Variants in COX7B2 observed in about 807,000 individuals in gnomAD.
COX7B2 encodes cytochrome c oxidase subunit 7B2.
For synonymous variants in COX7B2, 37 were observed against 32.1 expected (o/e 1.15, Z -0.51); for missense variants, 109 against 95.9 (o/e 1.14, Z -0.57).
chr4:46,833,001 G>A (rs1286903631), intron 2 of COX7B2, among the ~76,000 whole-genome samples: 3 of 152,048 alleles, frequency 2.0e-5, no homozygotes, highest in Non-Finnish European at 4.4e-5. Context: ...CGCCTCCCGG[G>A]TTCAAGTGAT....
chr4:46,812,250 A>G (rs1351666709), intron 2 of COX7B2, among the ~76,000 whole-genome samples: 5 of 152,082 alleles, frequency 3.3e-5, no homozygotes, highest in African/African-American at 7.2e-5. Context: ...AGAGAATGCA[A>G]TTCTCCCACT....
At chr4:46,805,594 T>A (rs142299514) in intron 2 of COX7B2, among the ~76,000 whole-genome samples, 1,677 of 152,304 alleles carry the variant, frequency 0.011, 20 homozygotes, top group Middle Eastern at 0.041. Context: ...ATAGTAAATA[T>A]GGGTTGAATT....
intron 1 of COX7B2, among the ~76,000 whole-genome samples, chr4:46,852,501 G>A (rs1716749110): frequency 6.6e-6 from 1 of 151,644 alleles, no homozygotes; most frequent in Non-Finnish European, 1.5e-5. Flanking sequence ...TTTTAAAGGG[G>A]TGCCATTGCT....
In COX7B2 at chr4:46,783,635, C is replaced by G. The variant is rs190335159; in HGVS notation, c.-49-48394G>C. The stretch of plus-strand genomic sequence containing the variant: ...TACTTAAAGCTTTCTTTCAAGCCAG[C>G]TGTTCCTAAGGAAAACTCACACATG... On this transcript the variant is annotated intron_variant, in intron 2 of 2. Coordinates refer to ENST00000355591, the MANE Select transcript of COX7B2 (RefSeq NM_130902.3). Among the ~76,000 whole-genome samples, 186 of 152,288 alleles carry G rather than the reference C, an allele frequency of 1.2e-3. 1 individual carries two copies. Among genetic ancestry groups the G allele is most frequent in the African/African-American group, 4.2e-3 (176 of 41,544 alleles).
intron 2 of COX7B2, among the ~76,000 whole-genome samples, chr4:46,834,632 C>T (rs1237374772): frequency 6.6e-6 from 1 of 151,968 alleles, no homozygotes; most frequent in Non-Finnish European, 1.5e-5. Context: ...TAATTATTCC[C>T]CGACACTTTC....
intron 2 of COX7B2, among the ~76,000 whole-genome samples, chr4:46,814,687 T>G (rs1330787971): frequency 6.6e-6 from 1 of 152,224 alleles, no homozygotes; most frequent in Non-Finnish European, 1.5e-5. Flanking sequence ...TAATTAATTA[T>G]ACTGCAGGAT....
In COX7B2 at chr4:46,809,942, T is replaced by A. The variant is rs569158405; in HGVS notation, c.-50+35018A>T. On this transcript the variant is annotated intron_variant, in intron 2 of 2. Transcript: ENST00000355591. ...TGGTCCAATGTTGTGTAAATATATA[T>A]TTTCAATGATTAGGTCACCTTGATA... Among the ~76,000 whole-genome samples, 55 of 152,080 alleles carry A rather than the reference T, an allele frequency of 3.6e-4. 1 individual carries two copies. Among genetic ancestry groups the A allele is most frequent in the Admixed American group, 3.6e-3 (55 of 15,286 alleles).
chr4:46,860,123 A>G (rs1320716618), intron 1 of COX7B2, among the ~76,000 whole-genome samples: 1 of 152,136 alleles, frequency 6.6e-6, no homozygotes, highest in Non-Finnish European at 1.5e-5. Context: ...AAGAGTTGGT[A>G]AGATGGTGAG....
chr4:46,827,556 A>C, intron 2 of COX7B2, among the ~76,000 whole-genome samples: 1 of 152,178 alleles, frequency 6.6e-6, no homozygotes, highest in East Asian at 1.9e-4. Context: ...ATTGCTTAGC[A>C]AAACAAACAA....
At chr4:46,903,821 A>C (rs925404615) in intron 1 of COX7B2, 2 of 152,232 alleles carry the variant, frequency 1.3e-5, no homozygotes, top group Non-Finnish European at 2.9e-5. Flanking sequence ...AGTAAGCTAT[A>C]CCATCTAGGT....
At chr4:46,771,615 CA>C (rs1391607699) in intron 2 of COX7B2, among the ~76,000 whole-genome samples, 1 of 151,656 alleles carries the variant, frequency 6.6e-6, no homozygotes, top group Non-Finnish European at 1.5e-5. Flanking sequence ...ATCTGAAACT[CA>C]AAATTCTCCA....
chr4:46,782,613 G>A (rs1717535037), intron 2 of COX7B2, among the ~76,000 whole-genome samples: 1 of 152,124 alleles, frequency 6.6e-6, no homozygotes, highest in Non-Finnish European at 1.5e-5. Flanking sequence ...TTGTTCTTTT[G>A]CTCTTCACAA....
intron 1 of COX7B2, among the ~76,000 whole-genome samples, chr4:46,855,517 T>C (rs916966468): frequency 6.6e-6 from 1 of 151,904 alleles, no homozygotes; most frequent in Non-Finnish European, 1.5e-5. Flanking sequence ...AGATACTAAT[T>C]TTCATAGAAG....
intron 2 of COX7B2, among the ~76,000 whole-genome samples, chr4:46,737,849 T>C (rs1187504263): frequency 6.6e-6 from 1 of 152,136 alleles, no homozygotes; most frequent in African/African-American, 2.4e-5. Context: ...GAAGACTTTA[T>C]TCCAACTTTG....
chr4:46,854,781 T>C (rs1716906555), intron 1 of COX7B2, among the ~76,000 whole-genome samples: 1 of 152,184 alleles, frequency 6.6e-6, no homozygotes, highest in Non-Finnish European at 1.5e-5. Flanking sequence ...TAAAATGGAA[T>C]ATTATAAAAC....
rs1029029770 is a variant in COX7B2 at position 46,830,180 on chromosome 4, C to T, written c.-50+14780G>A. Among the ~76,000 whole-genome samples the T allele has an allele frequency of 3.3e-5, 5 of 151,578 alleles. No individual in the cohort carries two copies. In the East Asian group the frequency reaches 5.9e-4, roughly 18 times the overall value. Reference sequence around the variant, plus strand: ...CTGTACTAAAAATACAAAAATTAGCCGGGGGTGGTGGTGTGTGCCTGTAAT... The same window carrying T: ...CTGTACTAAAAATACAAAAATTAGCTGGGGGTGGTGGTGTGTGCCTGTAAT... On this transcript the variant is annotated intron_variant, in intron 2 of 2. Transcript: ENST00000355591.
intron 2 of COX7B2, among the ~76,000 whole-genome samples, chr4:46,737,282 C>A (rs1714425426): frequency 1.3e-5 from 2 of 152,070 alleles, no homozygotes; most frequent in African/African-American, 4.8e-5. Context: ...TTTAAAAATT[C>A]AGGTTGTTCA....
intron 2 of COX7B2, among the ~76,000 whole-genome samples, chr4:46,772,556 A>G (rs1716934617): frequency 6.6e-6 from 1 of 152,106 alleles, no homozygotes; most frequent in South Asian, 2.1e-4. Context: ...TATATCTTAA[A>G]TATATATAAT....
chr4:46,846,628 G>A (rs1337756771), intron 1 of COX7B2, among the ~76,000 whole-genome samples: 1 of 151,914 alleles, frequency 6.6e-6, no homozygotes, highest in African/African-American at 2.4e-5. Flanking sequence ...TCAGAAAACA[G>A]CAAGTTAGCC....
Sources: allele counts gnomAD v4.1 joint callset (sites outside exome capture counted in the v4.1 genomes callset), GRCh38; gene constraint gnomAD v4.1.1; transcripts MANE v1.5; gene names NCBI Gene and HGNC (gene_info 2026-07-23, HGNC 2026-07-21).